The following PKHD1L1 variants were observed in gnomAD, a reference collection of about 807,000 sequenced individuals.
The protein encoded by PKHD1L1 is PKHD1 like 1, also known as fibrocystin-L.
A neutral mutation model predicts 462.9 loss-of-function variants in PKHD1L1; 434 were observed. The observed-to-expected ratio is 0.94, with a 90% CI of 0.87 to 1.02. PKHD1L1 has a LOEUF of 1.02. PKHD1L1 is among the 50% of genes least tolerant of loss of function. The pLI, the probability that PKHD1L1 is intolerant of heterozygous loss-of-function variation, is 0.00. For synonymous variants in PKHD1L1, 1,781 were observed against 1,750.0 expected, an observed-to-expected ratio of 1.02 and a Z score of -0.44; for missense variants, 5,202 against 5,096.1, an observed-to-expected ratio of 1.02 and a Z score of -0.63.
chr8:109,491,156 T>C lies in PKHD1L1; in HGVS notation c.10114+55T>C, dbSNP rs1287570932. On this transcript the variant is annotated intron_variant, in intron 61 of 77. Transcript: ENST00000378402. ...CACATCCTGTGGAGGCTTTCTTATC[T>C]ATATACTCTAGAGCTACACTGCCCA... The C allele has an allele frequency of 5.9e-6, 9 of 1,528,766 alleles. No homozygotes were observed. In the South Asian group the frequency reaches 7.2e-5, roughly 12 times the overall value. The allele number at this position is 1,528,766 out of a possible 1,614,324, so 94.7% of individuals were successfully genotyped here.
intron 28 of PKHD1L1, among the ~76,000 whole-genome samples, chr8:109,433,490 A>G (rs751855241): frequency 6.6e-6 from 1 of 152,092 alleles, no homozygotes; most frequent in Non-Finnish European, 1.5e-5. Flanking sequence ...AGGTTACATG[A>G]AATCTTTCTT....
chr8:109,395,882 G>C (rs1485453106), intron 10 of PKHD1L1, 145 bp from the exon 11 acceptor site: 1 of 578,128 alleles, frequency 1.7e-6, no homozygotes, highest in Non-Finnish European at 3.1e-6. Flanking sequence ...ATCAGAGAAA[G>C]TAATGAAACA....
At chr8:109,486,948 TTATG>T in intron 59 of PKHD1L1, 127 bp downstream of exon 59, 1 of 970,332 alleles carries the variant, frequency 1.0e-6, no homozygotes, top group Non-Finnish European at 1.5e-6. Context: ...TTAAAAGTGA[TTATG>T]TAGCCCAGTT....
rs1820593476 is a variant in PKHD1L1 at position 109,522,330 on chromosome 8, G to A, written c.12176G>A (p.Trp4059Ter). Residue 4059 changes from tryptophan to a stop codon, truncating the protein, a stop_gained, in exon 74 of 78, where the codon TGG (tryptophan) becomes TAG (stop). Transcript: ENST00000378402. LOFTEE classifies it high-confidence loss of function. Reference sequence around the variant, plus strand: ...CTCCCCAGCCCAAGTGACTCTGGGTGGATTAAGGTAAGAAAATGCAACTAG... The same window carrying A: ...CTCCCCAGCCCAAGTGACTCTGGGTAGATTAAGGTAAGAAAATGCAACTAG... The part of the protein sequence containing the change: ...NPLPSPSDSG[W>*]IKVTAQPVER... 1 of 1,558,920 alleles carries A rather than the reference G, an allele frequency of 6.4e-7. No homozygotes were observed. Among genetic ancestry groups the A allele is most frequent in the Non-Finnish European group, 8.6e-7 (1 of 1,157,600 alleles).
At chr8:109,366,044 T>C (rs899662989) in intron 2 of PKHD1L1, among the ~76,000 whole-genome samples, 2 of 152,192 alleles carry the variant, frequency 1.3e-5, no homozygotes, top group African/African-American at 4.8e-5. Context: ...TTTTCTGATC[T>C]AGGAACTATG....
Position 109,493,648 on chromosome 8 carries a change from A to G in PKHD1L1, c.10237-13A>G. On this transcript the variant is annotated splice_polypyrimidine_tract_variant and intron_variant, in intron 62 of 77. Transcript: ENST00000378402. Reference sequence around the variant, plus strand: ...GCCTGATGCACAGTATTTTTTTTTAATCATTGCACTAGATAAATAGAGGGA... The same window carrying G: ...GCCTGATGCACAGTATTTTTTTTTAGTCATTGCACTAGATAAATAGAGGGA... 6.5e-7 allele frequency: 1 copy of G among 1,540,412 alleles called. No homozygotes were observed. Among genetic ancestry groups the G allele is most frequent in the Non-Finnish European group, 8.9e-7 (1 of 1,128,818 alleles).
At chr8:109,381,778 T>A (rs1409932153) in intron 3 of PKHD1L1, among the ~76,000 whole-genome samples, 1 of 152,156 alleles carries the variant, frequency 6.6e-6, no homozygotes, top group Admixed American at 6.5e-5. Flanking sequence ...TTTTAGAAGA[T>A]AAATGACTAT....
Position 109,406,321 on chromosome 8 carries a change from T to C in PKHD1L1, c.1670-14T>C. On this transcript the variant is annotated splice_polypyrimidine_tract_variant and intron_variant, in intron 16 of 77. Transcript: ENST00000378402. ...TTTCTGTTTGTTTGTTTGTTTGTTT[T>C]AATCCAATCAAAGTCTTCCTACCTG... The C allele has an allele frequency of 6.5e-7, 1 of 1,541,510 alleles. No individual in the cohort carries two copies. Among genetic ancestry groups the C allele is most frequent in the East Asian group, 2.5e-5 (1 of 40,774 alleles).
chr8:109,369,971 A>G (rs186802611), intron 2 of PKHD1L1, among the ~76,000 whole-genome samples: 117 of 152,316 alleles, frequency 7.7e-4, no homozygotes, highest in African/African-American at 2.7e-3. Flanking sequence ...GATATTTATT[A>G]AAATCTCTAC....
At chr8:109,454,039 G>T in intron 43 of PKHD1L1, 128 bp from the exon 44 acceptor site, 1 of 536,476 alleles carries the variant, frequency 1.9e-6, no homozygotes, top group Non-Finnish European at 3.2e-6. Flanking sequence ...AGCAGAACAT[G>T]AATGAGGAAT....
rs1821162019 is a variant in PKHD1L1, at chr8:109,537,136, A to G, written c.*7046A>G. ...AAGCTTTGTTTTACTTGATCAAGAA[A>G]TGAATGTGACTTTATGATCTTGTAT... On this transcript the variant is annotated 3_prime_UTR_variant, in exon 78 of 78. Transcript: ENST00000378402. Among the ~76,000 whole-genome samples the G allele has an allele frequency of 6.6e-6, 1 of 152,240 alleles. No individual in the cohort carries two copies. Among genetic ancestry groups the G allele is most frequent in the South Asian group, 2.1e-4 (1 of 4,838 alleles).
rs1232130823 is a variant in PKHD1L1 at position 109,537,201 on chromosome 8, A to G, written c.*7111A>G. ...CTGCTCATTAATAAAAAGCCATTAAAGTCCAAGTCAGAACAGCAGGTCTAA... is the reference window on the plus strand; with the variant it reads ...CTGCTCATTAATAAAAAGCCATTAAGGTCCAAGTCAGAACAGCAGGTCTAA... On this transcript the variant is annotated 3_prime_UTR_variant, in exon 78 of 78. Transcript: ENST00000378402. 6.6e-6 allele frequency among the ~76,000 whole-genome samples: 1 copy of G among 152,222 alleles called. No homozygotes were observed. The highest frequency in any genetic ancestry group is 2.4e-5 in the African/African-American group (1 of 41,438).
chr8:109,502,590 T>C (rs936557812), intron 67 of PKHD1L1, among the ~76,000 whole-genome samples: 1 of 152,140 alleles, frequency 6.6e-6, no homozygotes, highest in African/African-American at 2.4e-5. Context: ...ATCTCTTAAG[T>C]TGTAAGGTTC....
intron 50 of PKHD1L1, among the ~76,000 whole-genome samples, chr8:109,469,040 A>G (rs1227215354): frequency 6.6e-6 from 1 of 152,176 alleles, no homozygotes; most frequent in African/African-American, 2.4e-5. Flanking sequence ...TCAATCAGCT[A>G]TCACAGATTC....
rs1486563119 is a variant in PKHD1L1, at chr8:109,425,226, C to T, written c.2839C>T (p.Leu947Phe). The T allele has an allele frequency of 8.2e-6, 13 of 1,583,400 alleles. No individual in the cohort carries two copies. The highest frequency in any genetic ancestry group is 1.7e-4 in the Middle Eastern group (1 of 5,956). Residue 947 changes from leucine to phenylalanine, a missense_variant, in exon 24 of 78, where the codon CTT (leucine) becomes TTT (phenylalanine). This residue lies in a region of PKHD1L1 where 4,497 missense variants were observed against 4,336.8 expected (regional missense o/e 1.04). Transcript: ENST00000378402. ...SFDIQAYGHI[L>F]KGLPAAVSAA... ...TGACATTCAAGCTTATGGACATATT[C>T]TTAAAGGTATATGAAAAAAATTTAA...
rs1432442026 is a variant in PKHD1L1 at position 109,456,142 on chromosome 8, C to A, written c.6875-120C>A. ...TCTTTTTGGAGAAATGTGTGAAATG[C>A]TAAGGTAAAATGAGCCTCTCCAACA... is the stretch of plus-strand genomic sequence containing the variant. On this transcript the variant is annotated intron_variant, in intron 45 of 77. Transcript: ENST00000378402. 6 of 1,017,190 alleles carry A rather than the reference C, an allele frequency of 5.9e-6. No individual in the cohort carries two copies. In the Admixed American group the frequency reaches 1.7e-4, roughly 28 times the overall value. 63.0% of individuals were successfully genotyped at this position (1,017,190 alleles called of 1,614,324 possible). A position where few individuals can be genotyped will look rare whatever the true frequency, so the allele number is the denominator to read the frequency against.
At chr8:109,375,781 G>T (rs1412229086) in intron 2 of PKHD1L1, among the ~76,000 whole-genome samples, 2 of 152,196 alleles carry the variant, frequency 1.3e-5, no homozygotes, top group Non-Finnish European at 2.9e-5. Flanking sequence ...GACCCTGTTT[G>T]CTTAGGTATC....
chr8:109,429,307 C>T (rs776236258), intron 25 of PKHD1L1, 33 bp from the exon 26 acceptor site: 34 of 1,451,886 alleles, frequency 2.3e-5, no homozygotes. Flanking sequence ...TTTGTTATAA[C>T]CTTTCTAGTA....
intron 13 of PKHD1L1, among the ~76,000 whole-genome samples, 176 bp from the exon 14 acceptor site, chr8:109,401,321 A>G (rs1275237161): frequency 1.3e-5 from 1 of 76,160 alleles, no homozygotes; most frequent in Non-Finnish European, 3.2e-5. Context: ...TTGATAATTT[A>G]AAAAAAATTT....
Sources: gnomAD v4.1 joint callset for allele counts (sites outside exome capture counted in the v4.1 genomes callset) on GRCh38, gnomAD v4.1.1 for gene constraint, gnomAD v4.1.1 regional missense constraint, MANE v1.5 for transcripts, NCBI Gene and HGNC (gene_info 2026-07-23, HGNC 2026-07-21) for gene names.